ANKRD17: variants seen among roughly 807,000 people sequenced by gnomAD.
ANKRD17 encodes ankyrin repeat domain 17, also known as ankyrin repeat domain-containing protein 17.
In ANKRD17, 19 loss-of-function variants were observed where a neutral mutation model predicts 229.7. The ratio of observed to expected loss-of-function variants is 0.08; its 90% CI spans 0.06 to 0.12. The LOEUF (loss-of-function observed/expected upper bound fraction) is 0.12. Among genes scored for constraint, ANKRD17 ranks in the 10% least tolerant of loss-of-function variants. The pLI is 1.00. For synonymous variants in ANKRD17, 1,112 were observed against 1,146.1 expected, an observed-to-expected ratio of 0.97 and a Z score of 0.60; for missense variants, 2,176 against 3,176.8, an observed-to-expected ratio of 0.68 and a Z score of 7.57.
chr4:73,133,159 A>T, intron 16 of ANKRD17, among the ~76,000 whole-genome samples: 1 of 151,882 alleles, frequency 6.6e-6, no homozygotes, highest in Admixed American at 6.6e-5. Context: ...CTGAGGCAGG[A>T]GAATCGCTTG....
chr4:73,172,815 G>C (rs1331870484), intron 2 of ANKRD17, among the ~76,000 whole-genome samples: 1 of 151,468 alleles, frequency 6.6e-6, no homozygotes, highest in African/African-American at 2.4e-5. Context: ...ACATACAATA[G>C]ATACAAAAAA....
At chr4:73,167,768 TTTCCAAGTCTA>T (rs1337246859) in intron 2 of ANKRD17, among the ~76,000 whole-genome samples, 3 of 152,218 alleles carry the variant, frequency 2.0e-5, no homozygotes, top group African/African-American at 7.2e-5. Flanking sequence ...CCTGATTATG[TTTCCAAGTCTA>T]TTTGGTTAAG....
Position 73,090,734 on chromosome 4 carries a change from A to T in ANKRD17, c.6894T>A (p.His2298Gln), listed in dbSNP as rs371806560. The T allele has an allele frequency of 4.3e-6, 7 of 1,614,028 alleles. No individual in the cohort carries two copies. The African/African-American group carries it at 9.3e-5, about 22-fold the overall frequency. ...SSYLPNSDPL[H>Q]QSDTSKAPGF... ...CTGGAGCTTTGGAAGTATCAGACTG[A>T]TGTAAAGGATCTGAATTTGGCAAAT... Residue 2298 changes from histidine to glutamine, a missense_variant, in exon 29 of 34, where the codon CAT becomes CAA. By Grantham distance (24) the His-to-Gln change is conservative. Transcript: ENST00000358602.
intron 2 of ANKRD17, among the ~76,000 whole-genome samples, chr4:73,168,131 G>GTA (rs1230731572): frequency 0.019 from 4 of 206 alleles, no homozygotes; most frequent in African/African-American, 0.08. Context: ...CCAGCCTGGG[G>GTA]GAGAGTGAGA....
chr4:73,104,773 G>C (rs1724410719), intron 24 of ANKRD17, among the ~76,000 whole-genome samples: 1 of 152,048 alleles, frequency 6.6e-6, no homozygotes, highest in African/African-American at 2.4e-5. Context: ...TTTGGGGGTG[G>C]AGAATTTTTT....
chr4:73,145,034 G>A (rs1730076779), intron 10 of ANKRD17, among the ~76,000 whole-genome samples: 1 of 152,068 alleles, frequency 6.6e-6, no homozygotes, highest in African/African-American at 2.4e-5. Flanking sequence ...AATAATTTTA[G>A]TATATGTGCT....
chr4:73,202,485 T>C (rs1465118711), intron 1 of ANKRD17, among the ~76,000 whole-genome samples: 1 of 152,164 alleles, frequency 6.6e-6, no homozygotes, highest in Non-Finnish European at 1.5e-5. Flanking sequence ...TAAACAATTA[T>C]AGAAACTCCA....
chr4:73,102,255 G>T, intron 25 of ANKRD17, 121 bp downstream of exon 25: 3 of 1,032,132 alleles, frequency 2.9e-6, no homozygotes, highest in Non-Finnish European at 4.1e-6. Context: ...GAGCCACTGT[G>T]CCTGGCCTAT....
At chr4:73,169,861 C>T (rs1316929022) in intron 2 of ANKRD17, among the ~76,000 whole-genome samples, 1 of 152,184 alleles carries the variant, frequency 6.6e-6, no homozygotes, top group Non-Finnish European at 1.5e-5. Context: ...GATGCCTGCT[C>T]GTGGAGGGAG....
chr4:73,214,200 G>A (rs1342157059), intron 1 of ANKRD17, among the ~76,000 whole-genome samples: 1 of 152,092 alleles, frequency 6.6e-6, no homozygotes, highest in Non-Finnish European at 1.5e-5. Context: ...TTGCTATATT[G>A]TAGTTAAAGG....
intron 24 of ANKRD17, among the ~76,000 whole-genome samples, chr4:73,107,483 T>C (rs1211598509): frequency 6.6e-6 from 1 of 152,162 alleles, no homozygotes; most frequent in Non-Finnish European, 1.5e-5. Flanking sequence ...AATGCATACA[T>C]TATAGTTTGT....
At chr4:73,200,254 T>A (rs1181790111) in intron 1 of ANKRD17, among the ~76,000 whole-genome samples, 1 of 152,142 alleles carries the variant, frequency 6.6e-6, no homozygotes, top group African/African-American at 2.4e-5. Flanking sequence ...TAAATCCTCT[T>A]TGTCTCAGAA....
At chr4:73,146,272 C>A (rs1262322925) in intron 10 of ANKRD17, among the ~76,000 whole-genome samples, 1 of 152,118 alleles carries the variant, frequency 6.6e-6, no homozygotes, top group Non-Finnish European at 1.5e-5. Context: ...ACTACAACAT[C>A]TCTTATAATA....
rs150561815 is a variant in ANKRD17, at chr4:73,188,820, C to T, written c.394-11287G>A. 5.0e-4 allele frequency among the ~76,000 whole-genome samples: 76 copies of T among 151,818 alleles called. No individual in the cohort carries two copies. The East Asian group carries it at 0.013, about 26-fold the overall frequency. ...CTAGAAAGAGGATATAAGCCTTTGG[C>T]GAGAATGATTATGAAAAATGAGAGA... On this transcript the variant is annotated intron_variant, in intron 1 of 33. Transcript: ENST00000358602.
intron 1 of ANKRD17, among the ~76,000 whole-genome samples, chr4:73,207,280 T>C (rs1355993110): frequency 1.3e-5 from 2 of 150,904 alleles, no homozygotes; most frequent in Non-Finnish European, 3.0e-5. Flanking sequence ...TCAATTTAAA[T>C]AAAAGTAAAG....
At chr4:73,254,311 T>C (rs1247133264) in intron 1 of ANKRD17, among the ~76,000 whole-genome samples, 1 of 152,228 alleles carries the variant, frequency 6.6e-6, no homozygotes, top group African/African-American at 2.4e-5. Context: ...ACTAATTTAT[T>C]TACCGGCTCC....
At chr4:73,235,110 T>C (rs1743383931) in intron 1 of ANKRD17, among the ~76,000 whole-genome samples, 1 of 152,198 alleles carries the variant, frequency 6.6e-6, no homozygotes, top group Non-Finnish European at 1.5e-5. Context: ...GTAATTTTAC[T>C]GTTCAACATG....
rs112463263 is a variant in ANKRD17 at position 73,098,314 on chromosome 4, T to C, written c.4780A>G (p.Ser1594Gly). 3.1e-6 allele frequency: 5 copies of C among 1,614,250 alleles called. No individual in the cohort carries two copies. The highest frequency in any genetic ancestry group is 8.5e-7 in the Non-Finnish European group (1 of 1,180,038). The change falls in exon 26 of 34, where the codon AGT becomes GGT. Residue 1594 changes from serine to glycine, a missense_variant. Ser to Gly is a moderately conservative substitution (Grantham distance 56). This residue lies in a region of ANKRD17 where 105 missense variants were observed against 118.3 expected (regional missense o/e 0.89). Coordinates refer to ENST00000358602, the MANE Select transcript of ANKRD17 (RefSeq NM_032217.5). Reference protein sequence around the residue: ...IFDDPLPISYSQPEKVNGESK... With the variant: ...IFDDPLPISYGQPEKVNGESK... ...TCTCCATTCACCTTCTCTGGCTGACTGTATGAAATTGGTAGTGGATCATCA... is the reference window on the plus strand; with the variant it reads ...TCTCCATTCACCTTCTCTGGCTGACCGTATGAAATTGGTAGTGGATCATCA...
At chr4:73,222,946 T>A (rs1742055919) in intron 1 of ANKRD17, 1 of 1,491,408 alleles carries the variant, frequency 6.7e-7, no homozygotes, top group African/African-American at 1.4e-5. Flanking sequence ...GATTTCAACT[T>A]TCATTTCACT....
Sources: allele counts gnomAD v4.1 joint callset (sites outside exome capture counted in the v4.1 genomes callset), GRCh38; gene constraint gnomAD v4.1.1; regional missense constraint gnomAD v4.1.1; transcripts MANE v1.5; gene names NCBI Gene and HGNC (gene_info 2026-07-23, HGNC 2026-07-21).